RNF121: variants seen among roughly 807,000 people sequenced by gnomAD.
The protein encoded by RNF121 is E3 ubiquitin ligase RNF121.
RNF121 carries 21 observed loss-of-function variants against 46.5 expected under a neutral mutation model. The observed-to-expected ratio is 0.45, with a 90% CI of 0.32 to 0.65. The LOEUF is 0.65. Ranked by LOEUF, RNF121 falls within the 30% of genes least tolerant of loss-of-function variation. The probability of loss-of-function intolerance (pLI) is 0.04; values close to 1 mark genes in which losing one functional copy is unlikely to be tolerated. For synonymous variants in RNF121, 139 were observed against 144.7 expected (o/e 0.96, Z 0.28); for missense variants, 346 against 416.0 (o/e 0.83, Z 1.46).
intron 3 of RNF121, among the ~76,000 whole-genome samples, chr11:71,967,384 C>G (rs1323907473): frequency 4.5e-5 from 5 of 110,204 alleles, no homozygotes; most frequent in Admixed American, 2.7e-4. Context: ...GAGTCTCACT[C>G]TGTCACCCAG....
intron 6 of RNF121, among the ~76,000 whole-genome samples, chr11:71,991,357 C>T (rs1954860385): frequency 6.6e-6 from 1 of 152,072 alleles, no homozygotes; most frequent in East Asian, 1.9e-4. Context: ...CTTTTTAATG[C>T]CTGCTATGTG....
Position 71,994,706 on chromosome 11 carries a change from T to C in RNF121, c.628-13T>C, listed in dbSNP as rs1057171534. ...ATCTTTTCCTATCTTTCCTTCCTGCTATTCTCCTTCAGTTCTACAGCGAGT... is the reference window on the plus strand; with the variant it reads ...ATCTTTTCCTATCTTTCCTTCCTGCCATTCTCCTTCAGTTCTACAGCGAGT... On this transcript the variant is annotated splice_polypyrimidine_tract_variant and intron_variant, in intron 6 of 8. Transcript: ENST00000361756. The C allele has an allele frequency of 3.7e-6, 6 of 1,614,006 alleles. No individual in the cohort carries two copies. The African/African-American group carries it at 8.0e-5, about 22-fold the overall frequency.
chr11:71,992,771 C>T (rs922631006), intron 6 of RNF121, among the ~76,000 whole-genome samples: 1 of 152,092 alleles, frequency 6.6e-6, no homozygotes. Context: ...GTGGACATCA[C>T]GGAGAGATGC....
Position 71,977,210 on chromosome 11 carries a change from G to T in RNF121, c.244-5551G>T, listed in dbSNP as rs555975024. Among the ~76,000 whole-genome samples the T allele has an allele frequency of 5.3e-5, 8 of 152,182 alleles. No individual in the cohort carries two copies. In the South Asian group the frequency reaches 1.7e-3, roughly 32 times the overall value. ...CTTTTCAGCCAGGTATGGTGGGAGG[G>T]TGATCCCTAGCTTACAACATGAGGG... On this transcript the variant is annotated intron_variant, in intron 3 of 8. Coordinates refer to ENST00000361756, the MANE Select transcript of RNF121 (RefSeq NM_018320.5).
chr11:71,986,769 C>CAAAAAAAAAAAAAA (rs11315989), intron 4 of RNF121, among the ~76,000 whole-genome samples: 2 of 71,962 alleles, frequency 2.8e-5, no homozygotes, highest in African/African-American at 1.0e-4. Context: ...ACTCTCATCT[C>CAAAAAAAAAAAAAA]AAAAAAAAAA....
At chr11:71,962,300 A>T in intron 3 of RNF121, 3 of 984,758 alleles carry the variant, frequency 3.0e-6, no homozygotes, top group Non-Finnish European at 3.6e-6. Context: ...GTGAGTATGC[A>T]TATATGCACT....
Position 71,978,055 on chromosome 11 carries a change from A to G in RNF121, c.244-4706A>G, listed in dbSNP as rs535762950. 70 of 300,306 alleles carry G rather than the reference A, an allele frequency of 2.3e-4. 1 individual carries two copies. Among genetic ancestry groups the G allele is most frequent in the South Asian group, 1.6e-3 (66 of 41,090 alleles). The allele number at this position is 300,306 out of a possible 1,614,324, so 18.6% of individuals were successfully genotyped here. On this transcript the variant is annotated intron_variant, in intron 3 of 8. Coordinates refer to ENST00000361756, the MANE Select transcript of RNF121 (RefSeq NM_018320.5). ...CCAATAAATTCTAAAGTAGAAACTGAAAAAAATTTTTTGTATTTTTTTTTT... is the reference window on the plus strand; with the variant it reads ...CCAATAAATTCTAAAGTAGAAACTGGAAAAAATTTTTTGTATTTTTTTTTT...
intron 2 of RNF121, among the ~76,000 whole-genome samples, chr11:71,958,259 G>T (rs1372172583): frequency 3.3e-5 from 5 of 152,148 alleles, no homozygotes; most frequent in Non-Finnish European, 7.3e-5. Flanking sequence ...CATGTTATAT[G>T]AACAGTGGTT....
At chr11:71,987,801 T>C (rs1016713305) in intron 5 of RNF121, among the ~76,000 whole-genome samples, 3 of 152,140 alleles carry the variant, frequency 2.0e-5, no homozygotes, top group African/African-American at 7.2e-5. Flanking sequence ...GAATACAAAA[T>C]AAATAATAGA....
Position 71,981,584 on chromosome 11 carries a change from T to C in RNF121, c.244-1177T>C, listed in dbSNP as rs563088256. On this transcript the variant is annotated intron_variant, in intron 3 of 8. Coordinates refer to ENST00000361756, the MANE Select transcript of RNF121 (RefSeq NM_018320.5). ...GGTTGAGGAGGGAGTTAGGAGGCAT[T>C]GGAGAGAAGACTAGCGATGACTTCA... Among the ~76,000 whole-genome samples, 7 of 152,222 alleles carry C rather than the reference T, an allele frequency of 4.6e-5. No homozygotes were observed. In the South Asian group the frequency reaches 1.5e-3, roughly 32 times the overall value.
At chr11:71,974,764 T>G (rs1308348865) in intron 3 of RNF121, among the ~76,000 whole-genome samples, 1 of 152,164 alleles carries the variant, frequency 6.6e-6, no homozygotes, top group African/African-American at 2.4e-5. Context: ...AACCTCCTCT[T>G]AAGTCTCTTC....
At chr11:71,969,453 T>TA in intron 3 of RNF121, among the ~76,000 whole-genome samples, 1 of 152,358 alleles carries the variant, frequency 6.6e-6, no homozygotes, top group South Asian at 2.1e-4. Flanking sequence ...ACACTTTTTA[T>TA]AGAAAGGTAA....
chr11:71,977,933 C>T (rs775570137), intron 3 of RNF121, among the ~76,000 whole-genome samples: 1 of 152,198 alleles, frequency 6.6e-6, no homozygotes, highest in South Asian at 2.1e-4. Context: ...AATGTTGCCA[C>T]GAGATGGCAC....
At chr11:71,993,703 T>C (rs1954911967) in intron 6 of RNF121, among the ~76,000 whole-genome samples, 1 of 152,234 alleles carries the variant, frequency 6.6e-6, no homozygotes, top group Admixed American at 6.5e-5. Context: ...CTTTTGGGTT[T>C]ATACCGAGAA....
At chr11:71,988,755 A>G (rs1954814380) in intron 5 of RNF121, among the ~76,000 whole-genome samples, 1 of 152,090 alleles carries the variant, frequency 6.6e-6, no homozygotes, top group South Asian at 2.1e-4. Flanking sequence ...CCAGAAGTTC[A>G]AGGCTGCAGT....
At chr11:71,941,029 G>A (rs1953555505) in intron 1 of RNF121, among the ~76,000 whole-genome samples, 8 of 152,218 alleles carry the variant, frequency 5.3e-5, no homozygotes, top group Admixed American at 5.2e-4. Flanking sequence ...TTAAACGTAA[G>A]GGGATAGCAG....
chr11:71,974,427 T>G (rs1177462616), intron 3 of RNF121, among the ~76,000 whole-genome samples: 3 of 152,228 alleles, frequency 2.0e-5, no homozygotes, highest in Non-Finnish European at 4.4e-5. Flanking sequence ...TCAGTAGACT[T>G]GAGTTCTTCT....
chr11:71,934,941 C>CT lies in RNF121; in HGVS notation c.63+5838dup, dbSNP rs34428026. 3.0e-3 allele frequency among the ~76,000 whole-genome samples: 411 copies of CT among 135,344 alleles called. 3 individuals are homozygous for CT. Among genetic ancestry groups the CT allele is most frequent in the Non-Finnish European group, 4.4e-3 (275 of 62,474 alleles). The allele number at this position is 135,344 out of a possible 152,430, so 88.8% of individuals were successfully genotyped here. On this transcript the variant is annotated intron_variant, in intron 1 of 8. Coordinates refer to ENST00000361756, the MANE Select transcript of RNF121 (RefSeq NM_018320.5). Reference sequence around the variant, plus strand: ...CTGTGCCAAGTGTTCCAAATGCATTCTTTTTTTTTTTTTTTTTTTTTAGAC... The same window carrying CT: ...CTGTGCCAAGTGTTCCAAATGCATTCTTTTTTTTTTTTTTTTTTTTTTAGAC...
chr11:71,987,776 C>T (rs1166558301), intron 5 of RNF121, among the ~76,000 whole-genome samples: 1 of 152,164 alleles, frequency 6.6e-6, no homozygotes, highest in Non-Finnish European at 1.5e-5. Context: ...CAGCTAGCAA[C>T]AAATTGACTT....
Sources: gnomAD v4.1 joint callset for allele counts (sites outside exome capture counted in the v4.1 genomes callset) on GRCh38, gnomAD v4.1.1 for gene constraint, MANE v1.5 for transcripts, NCBI Gene and HGNC (gene_info 2026-07-23, HGNC 2026-07-21) for gene names.